The following NECAB1 variants were observed in gnomAD, a reference collection of about 807,000 sequenced individuals.
The protein encoded by NECAB1 is N-terminal EF-hand calcium-binding protein 1.
In NECAB1, 29 loss-of-function variants were observed where a neutral mutation model predicts 57.5. The observed-to-expected ratio is 0.50, with a 90% CI of 0.38 to 0.69. The LOEUF is 0.69. NECAB1 is among the 30% of genes least tolerant of loss of function. The pLI, the probability that NECAB1 is intolerant of heterozygous loss-of-function variation, is 0.00. For missense variants in NECAB1, 372 were observed against 413.8 expected (o/e 0.90, Z 0.88); for synonymous variants, 142 against 147.7 (o/e 0.96, Z 0.28).
intron 3 of NECAB1, among the ~76,000 whole-genome samples, chr8:90,840,949 T>TC (rs1812443901): frequency 1.5e-5 from 1 of 67,682 alleles, no homozygotes; most frequent in Non-Finnish European, 3.0e-5. Flanking sequence ...GTAAATCTAT[T>TC]CAAAAAAAAA....
At chr8:90,916,307 T>C (rs1303876879) in intron 5 of NECAB1, among the ~76,000 whole-genome samples, 3 of 152,204 alleles carry the variant, frequency 2.0e-5, no homozygotes, top group African/African-American at 7.2e-5. Flanking sequence ...ATAGTCCAAT[T>C]CTTCCTAAAT....
In NECAB1 at chr8:90,954,067, AAAATAAATAAATAAAT is replaced by A. The variant is rs60959508; in HGVS notation, c.1031-1386_1031-1371del. On this transcript the variant is annotated intron_variant, in intron 12 of 12. Coordinates refer to ENST00000417640, the MANE Select transcript of NECAB1 (RefSeq NM_022351.5). ...CTGGGTGACAGAACGAGACTGTCTC[AAAATAAATAAATAAAT>A]AAATAAATAAATAAATAAATAAATA... 1.1e-3 allele frequency among the ~76,000 whole-genome samples: 153 copies of A among 142,644 alleles called. 3 individuals carry two copies. The highest frequency in any genetic ancestry group is 2.6e-3 in the African/African-American group (101 of 38,658). 93.6% of individuals were successfully genotyped at this position (142,644 alleles called of 152,430 possible).
At chr8:90,940,720 G>A in intron 9 of NECAB1, 66 bp from the exon 10 acceptor site, 1 of 1,183,976 alleles carries the variant, frequency 8.4e-7, no homozygotes, top group Non-Finnish European at 1.2e-6. Context: ...GGGATGGGCA[G>A]TAGGAGTCAG....
intron 5 of NECAB1, among the ~76,000 whole-genome samples, chr8:90,916,552 C>T (rs1227700553): frequency 6.6e-6 from 1 of 152,144 alleles, no homozygotes; most frequent in Non-Finnish European, 1.5e-5. Flanking sequence ...TGTTTAGGGA[C>T]AGAGACAAAT....
intron 2 of NECAB1, among the ~76,000 whole-genome samples, chr8:90,818,750 C>A (rs1246573972): frequency 1.3e-5 from 2 of 151,924 alleles, no homozygotes; most frequent in Non-Finnish European, 2.9e-5. Context: ...CTCTTTGGTA[C>A]TCTCTGAGCT....
chr8:90,907,481 A>G (rs1053735221), intron 5 of NECAB1, among the ~76,000 whole-genome samples: 1 of 152,228 alleles, frequency 6.6e-6, no homozygotes, highest in African/African-American at 2.4e-5. Flanking sequence ...TTACAGGTAC[A>G]GACAGATCAT....
chr8:90,853,618 T>C (rs1812731865), intron 3 of NECAB1, among the ~76,000 whole-genome samples: 2 of 152,186 alleles, frequency 1.3e-5, no homozygotes, highest in Admixed American at 6.5e-5. Context: ...TCTTAGAGTA[T>C]TTGTTTGTTT....
chr8:90,801,768 A>G (rs1460920963), intron 2 of NECAB1, 53 bp downstream of exon 2: 4 of 1,163,578 alleles, frequency 3.4e-6, no homozygotes, highest in South Asian at 1.5e-5. Context: ...ATTTTATATT[A>G]CCTTATAAAT....
chr8:90,938,500 A>T (rs191903692), intron 9 of NECAB1, among the ~76,000 whole-genome samples: 1 of 152,170 alleles, frequency 6.6e-6, no homozygotes, highest in South Asian at 2.1e-4. Context: ...CCCACATCCT[A>T]CAATTTGTTT....
chr8:90,797,019 G>A (rs1811672871), intron 1 of NECAB1, among the ~76,000 whole-genome samples: 1 of 152,154 alleles, frequency 6.6e-6, no homozygotes, highest in South Asian at 2.1e-4. Context: ...GCTTGAAATA[G>A]AATCTTAGAA....
At chr8:90,944,103 G>T (rs536170600) in intron 10 of NECAB1, among the ~76,000 whole-genome samples, 1 of 152,068 alleles carries the variant, frequency 6.6e-6, no homozygotes, top group Non-Finnish European at 1.5e-5. Context: ...CAGCTTAGAA[G>T]GAACTGGCTC....
At chr8:90,909,452 G>C (rs1809774629) in intron 5 of NECAB1, among the ~76,000 whole-genome samples, 1 of 151,686 alleles carries the variant, frequency 6.6e-6, no homozygotes, top group African/African-American at 2.4e-5. Flanking sequence ...TGTTTTGGTT[G>C]TCTGCAGCTC....
intron 3 of NECAB1, among the ~76,000 whole-genome samples, chr8:90,826,795 T>C (rs976992445): frequency 2.0e-5 from 3 of 151,848 alleles, no homozygotes; most frequent in African/African-American, 7.2e-5. Flanking sequence ...TTTATTTATA[T>C]AATTATTAAT....
rs528588142 is a variant in NECAB1 at position 90,925,410 on chromosome 8, CA to C, written c.495-124del. Reference sequence around the variant, plus strand: ...GGTTTCTAGAGCATTTACAAGCAGTCATTCTCATAAGTTTTCATTTTGCTGC... The same window carrying C: ...GGTTTCTAGAGCATTTACAAGCAGTCTTCTCATAAGTTTTCATTTTGCTGC... On this transcript the variant is annotated intron_variant, in intron 6 of 12. Coordinates refer to ENST00000417640, the MANE Select transcript of NECAB1 (RefSeq NM_022351.5). 2.5e-4 allele frequency: 252 copies of C among 1,022,756 alleles called. 1 individual carries two copies. The East Asian group carries it at 4.1e-3, about 17-fold the overall frequency. The allele number at this position is 1,022,756 out of a possible 1,614,324, so 63.4% of individuals were successfully genotyped here.
chr8:90,814,277 A>G (rs1465000057), intron 2 of NECAB1, among the ~76,000 whole-genome samples: 1 of 152,210 alleles, frequency 6.6e-6, no homozygotes, highest in Non-Finnish European at 1.5e-5. Flanking sequence ...ATTACATCAT[A>G]TCAAGGATAC....
intron 5 of NECAB1, among the ~76,000 whole-genome samples, chr8:90,914,096 C>T (rs543361543): frequency 6.6e-6 from 1 of 152,174 alleles, no homozygotes; most frequent in Non-Finnish European, 1.5e-5. Flanking sequence ...GACCCGGTTT[C>T]TCACACATTT....
At chr8:90,853,420 G>C (rs1812725918) in intron 3 of NECAB1, among the ~76,000 whole-genome samples, 1 of 152,210 alleles carries the variant, frequency 6.6e-6, no homozygotes, top group Non-Finnish European at 1.5e-5. Context: ...AGCATATTTT[G>C]AGGGTTTTAC....
chr8:90,891,431 A>G (rs1489182240), intron 5 of NECAB1, among the ~76,000 whole-genome samples: 1 of 152,136 alleles, frequency 6.6e-6, no homozygotes, highest in East Asian at 1.9e-4. Flanking sequence ...ATATGTAGCT[A>G]TTCTACATAT....
intron 5 of NECAB1, among the ~76,000 whole-genome samples, chr8:90,916,403 C>A (rs553781697): frequency 4.3e-4 from 65 of 152,072 alleles, no homozygotes; most frequent in Non-Finnish European, 8.2e-4. Flanking sequence ...AACTGAGAAC[C>A]AGGAAGGTTA....
Sources: gnomAD v4.1 joint callset for allele counts (sites outside exome capture counted in the v4.1 genomes callset) on GRCh38, gnomAD v4.1.1 for gene constraint, MANE v1.5 for transcripts, NCBI Gene and HGNC (gene_info 2026-07-23, HGNC 2026-07-21) for gene names.